Variants in ABL2 observed in about 807,000 individuals in gnomAD.
ABL2 encodes ABL proto-oncogene 2, non-receptor tyrosine kinase.
ABL2 carries 49 observed loss-of-function variants against 107.7 expected under a neutral mutation model. The observed-to-expected ratio is 0.45, with a 90% CI of 0.36 to 0.58. The LOEUF (loss-of-function observed/expected upper bound fraction) is 0.58, where lower values mean the gene tolerates loss of function less well. Among genes scored for constraint, ABL2 ranks in the 20% least tolerant of loss-of-function variants. The pLI is 0.00. For synonymous variants in ABL2, 549 were observed against 548.6 expected (o/e 1.00, Z -0.01); for missense variants, 1,245 against 1,457.0 (o/e 0.85, Z 2.37).
chr1:179,142,605 T>G (rs928866423), intron 1 of ABL2, among the ~76,000 whole-genome samples: 2 of 152,194 alleles, frequency 1.3e-5, no homozygotes, highest in Non-Finnish European at 2.9e-5. Flanking sequence ...GACTGTATAT[T>G]CTCTAAGAAG....
intron 1 of ABL2, among the ~76,000 whole-genome samples, chr1:179,223,964 CAAA>C (rs35954631): frequency 9.9e-6 from 1 of 100,956 alleles, no homozygotes; most frequent in African/African-American, 4.1e-5. Flanking sequence ...TCTGTCTCTA[CAAA>C]AAAAAAAAAA....
At chr1:179,138,329 G>A (rs1657231622) in intron 1 of ABL2, among the ~76,000 whole-genome samples, 1 of 152,072 alleles carries the variant, frequency 6.6e-6, no homozygotes, top group African/African-American at 2.4e-5. Context: ...AAACTCCTGA[G>A]CTCAAGCGAT....
chr1:179,129,659 G>A (rs1465537197), intron 3 of ABL2, among the ~76,000 whole-genome samples: 1 of 149,830 alleles, frequency 6.7e-6, no homozygotes, highest in African/African-American at 2.5e-5. Flanking sequence ...TCCAGCCTGG[G>A]TGACAGAGCG....
chr1:179,190,428 A>G (rs1660933871), intron 1 of ABL2, among the ~76,000 whole-genome samples: 1 of 152,214 alleles, frequency 6.6e-6, no homozygotes, highest in Non-Finnish European at 1.5e-5. Flanking sequence ...GGCTGAGCAG[A>G]GTCCTTCAGG....
intron 1 of ABL2, among the ~76,000 whole-genome samples, chr1:179,175,185 A>C (rs1198213888): frequency 6.6e-6 from 1 of 152,110 alleles, no homozygotes; most frequent in Admixed American, 6.6e-5. Flanking sequence ...TGCCCAGCTG[A>C]AATTTCTTAG....
chr1:179,162,672 CT>C (rs1258556466), intron 1 of ABL2, among the ~76,000 whole-genome samples: 1 of 152,166 alleles, frequency 6.6e-6, no homozygotes, highest in Non-Finnish European at 1.5e-5. Flanking sequence ...CACAGATATT[CT>C]TTTCACTAAG....
intron 1 of ABL2, among the ~76,000 whole-genome samples, chr1:179,180,107 G>A (rs569823018): frequency 3.3e-5 from 5 of 150,990 alleles, no homozygotes; most frequent in African/African-American, 1.2e-4. Flanking sequence ...GTGACAGAGT[G>A]AGACCCTGTC....
intron 5 of ABL2, among the ~76,000 whole-genome samples, chr1:179,120,701 G>T (rs1453230295): frequency 6.6e-6 from 1 of 152,162 alleles, no homozygotes; most frequent in East Asian, 1.9e-4. Flanking sequence ...TTACAGGTGT[G>T]AGCCACCACG....
chr1:179,221,904 T>C (rs1380635470), intron 1 of ABL2: 1 of 234,254 alleles, frequency 4.3e-6, no homozygotes, highest in African/African-American at 2.3e-5. Flanking sequence ...CAAGGATCCA[T>C]GAAATGATGG....
intron 3 of ABL2, among the ~76,000 whole-genome samples, chr1:179,127,137 A>T (rs1355622235): frequency 6.6e-6 from 1 of 152,216 alleles, no homozygotes; most frequent in African/African-American, 2.4e-5. Flanking sequence ...GTGACTTCTA[A>T]ATTTCACTTG....
At chr1:179,156,944 A>G (rs1386425152) in intron 1 of ABL2, among the ~76,000 whole-genome samples, 1 of 151,846 alleles carries the variant, frequency 6.6e-6, no homozygotes, top group African/African-American at 2.4e-5. Flanking sequence ...ACTCTATTAA[A>G]TTAATTTTTA....
intron 1 of ABL2, among the ~76,000 whole-genome samples, chr1:179,217,597 G>C (rs1204806343): frequency 4.0e-5 from 6 of 150,458 alleles, no homozygotes; most frequent in Non-Finnish European, 7.4e-5. Context: ...TTGCACTCCA[G>C]CCTGGGCAAC....
chr1:179,197,973 A>G (rs1289400856), intron 1 of ABL2, among the ~76,000 whole-genome samples: 1 of 152,038 alleles, frequency 6.6e-6, no homozygotes, highest in Non-Finnish European at 1.5e-5. Context: ...CAGGAATTCA[A>G]GAGAAGCCTG....
At chr1:179,120,164 T>C (rs1258592801) in intron 6 of ABL2, 26 bp downstream of exon 6, 7 of 1,492,686 alleles carry the variant, frequency 4.7e-6, no homozygotes, top group African/African-American at 1.4e-5. Context: ...TTGGAGGAAA[T>C]CTATGGTTCA....
At chr1:179,112,473 TC>T in intron 9 of ABL2, 75 bp from the exon 10 acceptor site, 1 of 1,152,064 alleles carries the variant, frequency 8.7e-7, no homozygotes, top group Non-Finnish European at 1.3e-6. Context: ...AATAATGAGT[TC>T]TATGCATCAT....
At chr1:179,152,100 ATGTGGAAACC>A (rs980858539) in intron 1 of ABL2, among the ~76,000 whole-genome samples, 1 of 152,226 alleles carries the variant, frequency 6.6e-6, no homozygotes, top group African/African-American at 2.4e-5. Context: ...CCAGATCAAG[ATGTGGAAACC>A]TGGGTAGGCT....
intron 3 of ABL2, among the ~76,000 whole-genome samples, chr1:179,127,652 T>C (rs181509559): frequency 6.6e-6 from 1 of 152,342 alleles, no homozygotes; most frequent in East Asian, 1.9e-4. Flanking sequence ...CTCAGGCTCT[T>C]ATCTCTAAGA....
chr1:179,107,772 G>T lies in ABL2; in HGVS notation c.3495C>A (p.Val1165=). Residue 1165 remains valine (V), a synonymous_variant, in exon 12 of 12, where the codon GTC becomes GTA. Coordinates refer to ENST00000502732, the MANE Select transcript of ABL2 (RefSeq NM_007314.4). ...GTACACATGACAATAAGTTATTAAGGACAGGGTTTGTCCCGGGCACACCAG... is the reference window on the plus strand; with the variant it reads ...GTACACATGACAATAAGTTATTAAGTACAGGGTTTGTCCCGGGCACACCAG... ...AAAGVPGTNP[V]LNNLLSCVQE... The T allele has an allele frequency of 6.2e-7, 1 of 1,614,162 alleles. No individual in the cohort carries two copies. The highest frequency in any genetic ancestry group is 8.5e-7 in the Non-Finnish European group (1 of 1,180,016).
intron 1 of ABL2, among the ~76,000 whole-genome samples, chr1:179,161,108 C>CA (rs1294558782): frequency 6.6e-6 from 1 of 151,992 alleles, no homozygotes; most frequent in Non-Finnish European, 1.5e-5. Context: ...ACTTCCTATA[C>CA]AAATAGGGAT....
Sources: gnomAD v4.1 joint callset for allele counts (sites outside exome capture counted in the v4.1 genomes callset) on GRCh38, gnomAD v4.1.1 for gene constraint, MANE v1.5 for transcripts, NCBI Gene and HGNC (gene_info 2026-07-23, HGNC 2026-07-21) for gene names.